Variants in ZNF469 observed in about 807,000 individuals in gnomAD.
The protein encoded by ZNF469 is zinc finger protein 469.
Under a neutral mutation model 1.0 loss-of-function variants are expected in ZNF469, and 1 was observed. The ratio of observed to expected loss-of-function variants is 1.00; its 90% CI spans 0.35 to 4.73. The LOEUF (loss-of-function observed/expected upper bound fraction) is 4.73, where lower values mean the gene tolerates loss of function less well. ZNF469 is among the 30% of genes most tolerant of loss of function. The pLI is 0.16. For missense variants in ZNF469, 6,100 were observed against 5,356.3 expected, an observed-to-expected ratio of 1.14 and a Z score of -4.33; for synonymous variants, 2,703 against 2,363.4, an observed-to-expected ratio of 1.14 and a Z score of -4.17.
At chr16:88,182,663 G>A in the ZNF469 span, among the ~76,000 whole-genome samples, 1 of 151,308 alleles carries the variant, frequency 6.6e-6, no homozygotes, top group Admixed American at 6.6e-5. Context: ...CCAACAAATG[G>A]TTCTGGAATA....
At chr16:88,328,501 G>T in the ZNF469 span, among the ~76,000 whole-genome samples, 10 of 152,176 alleles carry the variant, frequency 6.6e-5, no homozygotes, top group Non-Finnish European at 1.0e-4. Flanking sequence ...AAACGCCACG[G>T]CCCCAGTGCA....
At chr16:88,361,429 A>C in the ZNF469 span, among the ~76,000 whole-genome samples, 2 of 152,238 alleles carry the variant, frequency 1.3e-5, no homozygotes, top group African/African-American at 2.4e-5. Context: ...CCTATGATGG[A>C]AAAATGAAAA....
the ZNF469 span, among the ~76,000 whole-genome samples, chr16:88,300,325 GT>G: frequency 6.6e-6 from 1 of 152,138 alleles, no homozygotes; most frequent in African/African-American, 2.4e-5. Context: ...GGAGACCCAA[GT>G]TTAAAGTCAG....
At chr16:88,217,657 G>A in the ZNF469 span, among the ~76,000 whole-genome samples, 1 of 112,692 alleles carries the variant, frequency 8.9e-6, no homozygotes. Flanking sequence ...CGATCTCATT[G>A]TTCAATTCCC....
In ZNF469 at chr16:88,438,319, C is replaced by T; in HGVS notation, c.10849C>T (p.Pro3617Ser). 1 of 1,550,156 alleles carries T rather than the reference C, an allele frequency of 6.5e-7. No individual in the cohort carries two copies. The highest frequency in any genetic ancestry group is 8.7e-7 in the Non-Finnish European group (1 of 1,146,872). The change falls in exon 3 of 3, where the codon CCT (proline) becomes TCT (serine). Residue 3617 changes from proline to serine, a missense_variant. Transcript: ENST00000565624. Reference sequence around the variant, plus strand: ...CCAAGATGCGGAGGGAAAGAGGGCTCCTCTCGTGTTCTCAGGGAAACGCAG... The same window carrying T: ...CCAAGATGCGGAGGGAAAGAGGGCTTCTCTCGTGTTCTCAGGGAAACGCAG... ...RGQDAEGKRA[P>S]LVFSGKRRAP...
At chr16:88,269,270 T>A in the ZNF469 span, among the ~76,000 whole-genome samples, 775 of 147,160 alleles carry the variant, frequency 5.3e-3, 4 homozygotes, top group African/African-American at 0.018. Context: ...AAAATAGGGA[T>A]AAAAACTGCA....
chr16:88,249,356 C>A, the ZNF469 span, among the ~76,000 whole-genome samples: 1 of 151,278 alleles, frequency 6.6e-6, no homozygotes, highest in Non-Finnish European at 1.5e-5. Flanking sequence ...GCCTCCCAAG[C>A]AGGACTCCCA....
At chr16:88,342,401 C>A in the ZNF469 span, among the ~76,000 whole-genome samples, 1 of 152,162 alleles carries the variant, frequency 6.6e-6, no homozygotes, top group Non-Finnish European at 1.5e-5. Flanking sequence ...GTGCCCCGCT[C>A]ATGGCCGAAC....
At chr16:88,108,153 G>GGTGCACGTCTGTGGGGATGTGGGGACGGA in the ZNF469 span, among the ~76,000 whole-genome samples, 2 of 108,728 alleles carry the variant, frequency 1.8e-5, no homozygotes, top group African/African-American at 7.5e-5. Context: ...GTGGGGATGG[G>GGTGCACGTCTGTGGGGATGTGGGGACGGA]GGTCCACGTC....
chr16:88,251,058 A>G, the ZNF469 span, among the ~76,000 whole-genome samples: 3 of 152,234 alleles, frequency 2.0e-5, no homozygotes, highest in East Asian at 5.8e-4. Flanking sequence ...TTATATTTTC[A>G]GTAGAGACGG....
intron 1 of ZNF469, among the ~76,000 whole-genome samples, chr16:88,409,104 G>A (rs1905081490): frequency 6.6e-6 from 1 of 152,228 alleles, no homozygotes; most frequent in African/African-American, 2.4e-5. Context: ...TCTGCTGCAG[G>A]GAGGGTCATG....
chr16:88,198,808 G>C, the ZNF469 span, among the ~76,000 whole-genome samples: 2 of 152,224 alleles, frequency 1.3e-5, no homozygotes, highest in Non-Finnish European at 2.9e-5. Context: ...AAAAGAGAGC[G>C]ATGGCTCTGC....
the ZNF469 span, among the ~76,000 whole-genome samples, chr16:88,235,215 G>A: frequency 6.6e-6 from 1 of 152,118 alleles, no homozygotes; most frequent in Admixed American, 6.5e-5. Context: ...TCGAAGCCAC[G>A]GGGTCTCTCC....
At chr16:88,333,769 A>G in the ZNF469 span, among the ~76,000 whole-genome samples, 1 of 109,868 alleles carries the variant, frequency 9.1e-6, no homozygotes, top group African/African-American at 2.7e-5. Flanking sequence ...CGAGGAGAAT[A>G]AAAACACACC....
chr16:88,313,099 A>C, the ZNF469 span, among the ~76,000 whole-genome samples: 1 of 152,158 alleles, frequency 6.6e-6, no homozygotes, highest in Non-Finnish European at 1.5e-5. Flanking sequence ...TCTTCCCTTG[A>C]TTCGGGCATT....
At chr16:88,174,940 G>A in the ZNF469 span, among the ~76,000 whole-genome samples, 6 of 19,258 alleles carry the variant, frequency 3.1e-4, no homozygotes, top group African/African-American at 4.2e-4. Context: ...AGGGTCAACC[G>A]TGTGTGTGTG....
Position 88,436,117 on chromosome 16 carries a change from G to A in ZNF469, c.8647G>A (p.Glu2883Lys), listed in dbSNP as rs1417512813. 1.3e-6 allele frequency: 2 copies of A among 1,548,758 alleles called. No homozygotes were observed. The highest frequency in any genetic ancestry group is 2.4e-5 in the South Asian group (2 of 84,058). The change falls in exon 3 of 3, where the codon GAG (glutamate) becomes AAG (lysine). Residue 2883 changes from glutamate to lysine, a missense_variant. By Grantham distance (56) the Glu-to-Lys change is moderately conservative. Coordinates refer to ENST00000565624, the MANE Select transcript of ZNF469 (RefSeq NM_001367624.2). ...CCCGCATGTCTACGGGAAGCGCTGT[G>A]AGAAGCCGGTGCTCCCGCTGCCAAC... ...RNPHVYGKRC[E>K]KPVLPLPTQP...
chr16:88,427,974 G>C lies in ZNF469; in HGVS notation c.504G>C (p.Arg168Ser). 1 of 1,549,942 alleles carries C rather than the reference G, an allele frequency of 6.5e-7. No homozygotes were observed. The highest frequency in any genetic ancestry group is 8.7e-7 in the Non-Finnish European group (1 of 1,146,864). The change falls in exon 3 of 3, where the codon AGG becomes AGC. Residue 168 changes from arginine (R) to serine (S), a missense_variant. By Grantham distance (110) the Arg-to-Ser change is moderately radical. Transcript: ENST00000565624. ...TGAPLRPGLP[R>S]TEAQPAAEEL... Reference sequence around the variant, plus strand: ...CTCCACTCAGGCCGGGCCTCCCAAGGACTGAGGCCCAACCCGCCGCCGAAG... The same window carrying C: ...CTCCACTCAGGCCGGGCCTCCCAAGCACTGAGGCCCAACCCGCCGCCGAAG...
At position 88,428,343 on chromosome 16, in the gene ZNF469, T is replaced by A; in HGVS notation, c.873T>A (p.Asp291Glu). Residue 291 changes from aspartate to glutamate, a missense_variant, in exon 3 of 3, where the codon GAT (aspartate) becomes GAA (glutamate). Transcript: ENST00000565624. ...HGASTKPFPADVAGHAFTNGP... is the reference protein window; with the variant it reads ...HGASTKPFPAEVAGHAFTNGP... ...CCAGCACAAAACCCTTCCCTGCGGATGTGGCTGGGCACGCATTCACCAATG... is the reference window on the plus strand; with the variant it reads ...CCAGCACAAAACCCTTCCCTGCGGAAGTGGCTGGGCACGCATTCACCAATG... The A allele has an allele frequency of 6.5e-7, 1 of 1,549,716 alleles. No individual in the cohort carries two copies. The highest frequency in any genetic ancestry group is 8.7e-7 in the Non-Finnish European group (1 of 1,146,928).
Sources: allele counts gnomAD v4.1 joint callset (sites outside exome capture counted in the v4.1 genomes callset), GRCh38; gene constraint gnomAD v4.1.1; transcripts MANE v1.5; gene names NCBI Gene and HGNC (gene_info 2026-07-23, HGNC 2026-07-21).